SLIT2: variants seen among roughly 807,000 people sequenced by gnomAD.
SLIT2 encodes the protein slit guidance ligand 2.
A neutral mutation model predicts 185.7 loss-of-function variants in SLIT2; 41 were observed. That is an observed-to-expected ratio of 0.22 (90% CI 0.17 to 0.29). SLIT2 has a LOEUF of 0.29. Ranked by LOEUF, SLIT2 falls within the 10% of genes least tolerant of loss-of-function variation. SLIT2 has a pLI of 1.00. For synonymous variants in SLIT2, 693 were observed against 680.2 expected (o/e 1.02, Z -0.29); for missense variants, 1,571 against 1,909.0 (o/e 0.82, Z 3.30).
intron 33 of SLIT2, among the ~76,000 whole-genome samples, chr4:20,602,981 C>T (rs533629086): frequency 6.6e-6 from 1 of 152,050 alleles, no homozygotes; most frequent in South Asian, 2.1e-4. Flanking sequence ...GGCGCACGGG[C>T]CTAATATTTA....
intron 4 of SLIT2, among the ~76,000 whole-genome samples, chr4:20,437,914 C>CAAAAAA (rs1224604666): frequency 4.6e-5 from 3 of 65,608 alleles, no homozygotes; most frequent in African/African-American, 1.9e-4. Flanking sequence ...GACTCCGTCT[C>CAAAAAA]AAAAAAAAAA....
chr4:20,410,819 G>A (rs1364630625), intron 4 of SLIT2, among the ~76,000 whole-genome samples: 2 of 151,946 alleles, frequency 1.3e-5, no homozygotes, highest in African/African-American at 4.8e-5. Flanking sequence ...GGTTACTATA[G>A]CCTTGTATAA....
chr4:20,443,426 G>A (rs1290586195), intron 4 of SLIT2, among the ~76,000 whole-genome samples: 1 of 152,026 alleles, frequency 6.6e-6, no homozygotes, highest in Non-Finnish European at 1.5e-5. Context: ...GCATGGAAAT[G>A]ATACATTTTC....
At chr4:20,281,351 A>G (rs1472903621) in intron 4 of SLIT2, among the ~76,000 whole-genome samples, 1 of 152,232 alleles carries the variant, frequency 6.6e-6, no homozygotes, top group African/African-American at 2.4e-5. Flanking sequence ...ATAAAGGTTT[A>G]TATGTTCATA....
chr4:20,401,220 C>T (rs1726333217), intron 4 of SLIT2, among the ~76,000 whole-genome samples: 1 of 151,856 alleles, frequency 6.6e-6, no homozygotes, highest in Non-Finnish European at 1.5e-5. Context: ...CATCATGTCT[C>T]AATCACCACA....
At chr4:20,407,794 A>C (rs942439816) in intron 4 of SLIT2, among the ~76,000 whole-genome samples, 1 of 152,178 alleles carries the variant, frequency 6.6e-6, no homozygotes, top group African/African-American at 2.4e-5. Context: ...GGAAAACTAA[A>C]AATTTTTTTG....
chr4:20,473,452 A>G (rs1312005326), intron 5 of SLIT2, among the ~76,000 whole-genome samples: 1 of 151,974 alleles, frequency 6.6e-6, no homozygotes, highest in Non-Finnish European at 1.5e-5. Flanking sequence ...TTCCTATGAC[A>G]TTTTAGGAAG....
At chr4:20,554,482 C>T (rs1724063251) in intron 26 of SLIT2, 1 of 306,392 alleles carries the variant, frequency 3.3e-6, no homozygotes, top group Admixed American at 3.9e-5. Context: ...ATTTGTGAAT[C>T]TAAATATTGT....
chr4:20,370,705 ATAAAG>A (rs1283633822), intron 4 of SLIT2, among the ~76,000 whole-genome samples: 1 of 152,124 alleles, frequency 6.6e-6, no homozygotes, highest in Non-Finnish European at 1.5e-5. Context: ...GGAAGTGACT[ATAAAG>A]TACTGATTTG....
intron 4 of SLIT2, among the ~76,000 whole-genome samples, chr4:20,325,404 CA>C (rs1456049093): frequency 4.1e-5 from 4 of 97,512 alleles, no homozygotes; most frequent in Middle Eastern, 0.013. Context: ...TGTAGAAGGT[CA>C]GGGGTAGGGT....
chr4:20,513,818 A>G (rs60029443), intron 11 of SLIT2, among the ~76,000 whole-genome samples: 34,146 of 151,910 alleles, frequency 0.22, 4,589 homozygotes, highest in African/African-American at 0.39. Flanking sequence ...TGTGTAGATA[A>G]TGCAGATATA....
chr4:20,560,324 G>T (rs531663517), intron 26 of SLIT2, among the ~76,000 whole-genome samples: 1 of 151,660 alleles, frequency 6.6e-6, no homozygotes, highest in Non-Finnish European at 1.5e-5. Context: ...CTGTTATTTT[G>T]AGTCATTAAC....
intron 4 of SLIT2, among the ~76,000 whole-genome samples, chr4:20,363,329 C>G: frequency 6.6e-6 from 1 of 152,088 alleles, no homozygotes. Context: ...AAGATATGTT[C>G]CATTAATCCA....
intron 26 of SLIT2, among the ~76,000 whole-genome samples, chr4:20,556,448 C>T (rs1347491679): frequency 6.6e-6 from 1 of 152,002 alleles, no homozygotes. Context: ...TAATTCCCTA[C>T]AGGTATTTCT....
intron 11 of SLIT2, among the ~76,000 whole-genome samples, chr4:20,512,099 A>G (rs1719808655): frequency 6.6e-6 from 1 of 152,222 alleles, no homozygotes; most frequent in South Asian, 2.1e-4. Context: ...ATCAGATTTA[A>G]ATATTCGAAA....
chr4:20,616,864 A>C (rs964735806), intron 34 of SLIT2, 46 bp from the exon 35 acceptor site: 2 of 1,534,614 alleles, frequency 1.3e-6, no homozygotes, highest in African/African-American at 2.7e-5. Context: ...CAAATGGCTC[A>C]GAAATCCCCA....
chr4:20,565,752 C>A lies in SLIT2; in HGVS notation c.2726-1510C>A, dbSNP rs948424151. ...GAAGAAGTAAGCACCACCTCTTTCC[C>A]TTAATACGGTCATCCTAGGAACAGT... On this transcript the variant is annotated intron_variant, in intron 26 of 36. Coordinates refer to ENST00000504154, the MANE Select transcript of SLIT2 (RefSeq NM_004787.4). Among the ~76,000 whole-genome samples the A allele has an allele frequency of 1.4e-3, 206 of 152,072 alleles. 2 individuals carry two copies. Among genetic ancestry groups the A allele is most frequent in the Non-Finnish European group, 2.2e-4 (15 of 67,926 alleles).
chr4:20,599,117 C>T (rs555821301), intron 33 of SLIT2, among the ~76,000 whole-genome samples: 11 of 152,252 alleles, frequency 7.2e-5, no homozygotes, highest in Admixed American at 3.9e-4. Context: ...TTGGAACTTA[C>T]GCAGAATAAG....
intron 4 of SLIT2, among the ~76,000 whole-genome samples, chr4:20,423,172 G>GT (rs1728294817): frequency 6.6e-6 from 1 of 151,908 alleles, no homozygotes; most frequent in Admixed American, 6.6e-5. Flanking sequence ...GTAAATCCAC[G>GT]TACAGACATA....
Sources: gnomAD v4.1 joint callset for allele counts (sites outside exome capture counted in the v4.1 genomes callset) on GRCh38, gnomAD v4.1.1 for gene constraint, MANE v1.5 for transcripts, NCBI Gene and HGNC (gene_info 2026-07-23, HGNC 2026-07-21) for gene names.